Variants in HLCS observed in about 807,000 individuals in gnomAD.
HLCS encodes biotin--protein ligase.
Under a neutral mutation model 75.0 loss-of-function variants are expected in HLCS, and 53 were observed. The ratio of observed to expected loss-of-function variants is 0.71; its 90% CI spans 0.57 to 0.89. HLCS has a LOEUF of 0.89. Ranked by LOEUF, HLCS falls within the 40% of genes least tolerant of loss-of-function variation. The pLI is 0.00. For missense variants in HLCS, 966 were observed against 1,074.0 expected (o/e 0.90, Z 1.41); for synonymous variants, 431 against 428.6 (o/e 1.01, Z -0.07).
intron 5 of HLCS, among the ~76,000 whole-genome samples, chr21:36,924,700 A>T (rs1317195322): frequency 1.3e-5 from 2 of 152,338 alleles, no homozygotes; most frequent in African/African-American, 4.8e-5. Flanking sequence ...TGAGATGGCG[A>T]CACAGGTAAA....
chr21:36,855,112 T>C (rs924198500), intron 6 of HLCS, among the ~76,000 whole-genome samples: 25 of 152,162 alleles, frequency 1.6e-4, no homozygotes, highest in African/African-American at 6.0e-4. Context: ...GTCTATTTCA[T>C]CACATCTTCT....
chr21:36,966,507 C>T lies in HLCS; in HGVS notation c.132G>A (p.Gln44=), dbSNP rs1352056172. The T allele has an allele frequency of 5.1e-6, 5 of 976,376 alleles. No homozygotes were observed. Among genetic ancestry groups the T allele is most frequent in the African/African-American group, 1.8e-5 (1 of 54,290 alleles). The allele number at this position is 976,376 out of a possible 1,614,324, so 60.5% of individuals were successfully genotyped here. A position where few individuals can be genotyped will look rare whatever the true frequency, so the allele number is the denominator to read the frequency against. Residue 44 remains glutamine, a synonymous_variant, in exon 1 of 11, where the codon CAG becomes CAA. Transcript: ENST00000674895. The part of the protein sequence containing the change: ...CSFTFCGAAA[Q]PPGARVCLSR... ...TCAGGCACACGCGGGCGCCCGGGGGCTGCGCGGCCGCGCCGCAGAAGGTGA... is the reference window on the plus strand; with the variant it reads ...TCAGGCACACGCGGGCGCCCGGGGGTTGCGCGGCCGCGCCGCAGAAGGTGA...
chr21:36,921,615 G>C lies in HLCS; in HGVS notation c.1620+8636C>G, dbSNP rs553744637. Among the ~76,000 whole-genome samples the C allele has an allele frequency of 5.4e-4, 82 of 152,276 alleles. 1 individual carries two copies. Among genetic ancestry groups the C allele is most frequent in the African/African-American group, 1.9e-3 (79 of 41,560 alleles). On this transcript the variant is annotated intron_variant, in intron 5 of 10. Coordinates refer to ENST00000674895, the MANE Select transcript of HLCS (RefSeq NM_001352514.2). ...AATGGTCCTATGATACGCATGTTCAGGACCCAGCGATCTAGCTGACTGCTG... is the reference window on the plus strand; with the variant it reads ...AATGGTCCTATGATACGCATGTTCACGACCCAGCGATCTAGCTGACTGCTG...
intron 6 of HLCS, among the ~76,000 whole-genome samples, chr21:36,872,678 T>C (rs1374960318): frequency 6.6e-6 from 1 of 152,264 alleles, no homozygotes; most frequent in Admixed American, 6.5e-5. Flanking sequence ...CATTCCTTTT[T>C]ATTGCTAAGT....
At chr21:36,813,258 AAAC>A (rs2061563516) in intron 6 of HLCS, among the ~76,000 whole-genome samples, 1 of 152,198 alleles carries the variant, frequency 6.6e-6, no homozygotes, top group East Asian at 1.9e-4. Flanking sequence ...ACATGCAGCC[AAAC>A]AACTGGTGTT....
At chr21:36,904,144 A>T (rs1187014409) in intron 5 of HLCS, among the ~76,000 whole-genome samples, 1 of 152,238 alleles carries the variant, frequency 6.6e-6, no homozygotes, top group African/African-American at 2.4e-5. Flanking sequence ...CAGAAAACGG[A>T]CTAAGAGAGA....
intron 2 of HLCS, among the ~76,000 whole-genome samples, chr21:36,955,719 A>G (rs1305046905): frequency 6.6e-6 from 1 of 152,242 alleles, no homozygotes; most frequent in East Asian, 1.9e-4. Flanking sequence ...TATAAAGTCT[A>G]AAGTAGTGAC....
At chr21:36,846,375 C>T (rs993114218) in intron 6 of HLCS, among the ~76,000 whole-genome samples, 4 of 152,208 alleles carry the variant, frequency 2.6e-5, no homozygotes, top group African/African-American at 9.7e-5. Context: ...TCGAGGTCCT[C>T]TGTCCTCCTG....
chr21:36,863,827 G>T (rs1369487161), intron 6 of HLCS, among the ~76,000 whole-genome samples: 1 of 15,334 alleles, frequency 6.5e-5, no homozygotes, highest in Non-Finnish European at 1.2e-4. Flanking sequence ...GAAATGCTCT[G>T]ATGCTGTGGT....
chr21:36,826,997 A>G (rs1030558181), intron 6 of HLCS, among the ~76,000 whole-genome samples: 1 of 152,192 alleles, frequency 6.6e-6, no homozygotes, highest in African/African-American at 2.4e-5. Flanking sequence ...AGTCACATGC[A>G]TGGATAGCAG....
intron 5 of HLCS, among the ~76,000 whole-genome samples, chr21:36,929,332 G>A (rs1296628876): frequency 1.3e-5 from 2 of 152,216 alleles, no homozygotes; most frequent in East Asian, 1.9e-4. Context: ...AGGAAAAGGC[G>A]ACAGAGAAGG....
chr21:36,768,659 A>G (rs2090127378), intron 6 of HLCS, among the ~76,000 whole-genome samples: 1 of 152,168 alleles, frequency 6.6e-6, no homozygotes, highest in South Asian at 2.1e-4. Context: ...CAGGCACAGG[A>G]CGCTTTCGGC....
intron 5 of HLCS, among the ~76,000 whole-genome samples, chr21:36,920,037 G>A (rs560189145): frequency 6.6e-6 from 1 of 152,290 alleles, no homozygotes; most frequent in African/African-American, 2.4e-5. Context: ...TTGGTCATGA[G>A]AATTTGGTGA....
chr21:36,980,188 A>G (rs979823251), intron 1 of HLCS, among the ~76,000 whole-genome samples: 1 of 141,484 alleles, frequency 7.1e-6, no homozygotes, highest in Non-Finnish European at 1.5e-5. Context: ...TGAGACCCTG[A>G]CTATATTTAA....
intron 6 of HLCS, among the ~76,000 whole-genome samples, chr21:36,881,309 T>C (rs986418027): frequency 8.5e-5 from 13 of 152,188 alleles, no homozygotes; most frequent in African/African-American, 2.9e-4. Context: ...TCAGCTGTAA[T>C]TGGAGACATC....
chr21:36,906,510 C>G (rs998704452), intron 5 of HLCS, among the ~76,000 whole-genome samples: 3 of 152,132 alleles, frequency 2.0e-5, no homozygotes, highest in Admixed American at 2.0e-4. Flanking sequence ...CCAGTCTAAG[C>G]GACAGAGCGA....
chr21:36,857,244 C>T (rs896242370), intron 6 of HLCS, among the ~76,000 whole-genome samples: 5 of 152,190 alleles, frequency 3.3e-5, no homozygotes, highest in Non-Finnish European at 4.4e-5. Flanking sequence ...AGTTCCAGGT[C>T]AGTTGCTTCA....
intron 6 of HLCS, among the ~76,000 whole-genome samples, chr21:36,868,061 G>A (rs2063619986): frequency 6.6e-6 from 1 of 151,962 alleles, no homozygotes; most frequent in South Asian, 2.1e-4. Context: ...TGAGGCAGGA[G>A]AATCGTTTGA....
Position 36,752,073 on chromosome 21 carries a change from G to T in HLCS, c.*2173C>A, listed in dbSNP as rs2089388712. The T allele has an allele frequency of 6.6e-6, 1 of 152,640 alleles. No individual in the cohort carries two copies. Among genetic ancestry groups the T allele is most frequent in the South Asian group, 2.1e-4 (1 of 4,830 alleles). 9.5% of individuals were successfully genotyped at this position (152,640 alleles called of 1,614,324 possible). On this transcript the variant is annotated 3_prime_UTR_variant, in exon 11 of 11. Coordinates refer to ENST00000674895, the MANE Select transcript of HLCS (RefSeq NM_001352514.2). Reference sequence around the variant, plus strand: ...GCTATCAGTAAAATGCCTTTATTCAGCTAATTCTATAGAAGCGGAGTTTTG... The same window carrying T: ...GCTATCAGTAAAATGCCTTTATTCATCTAATTCTATAGAAGCGGAGTTTTG...
Sources: gnomAD v4.1 joint callset for allele counts (sites outside exome capture counted in the v4.1 genomes callset) on GRCh38, gnomAD v4.1.1 for gene constraint, MANE v1.5 for transcripts, NCBI Gene and HGNC (gene_info 2026-07-23, HGNC 2026-07-21) for gene names.